The following CACNA1H variants were observed in gnomAD, a reference collection of about 807,000 sequenced individuals.
CACNA1H encodes the protein voltage-dependent T-type calcium channel subunit alpha-1H.
CACNA1H carries 149 observed loss-of-function variants against 192.5 expected under a neutral mutation model. The observed-to-expected ratio is 0.77, with a 90% CI of 0.68 to 0.89. The LOEUF is 0.89. Ranked by LOEUF, CACNA1H falls within the 40% of genes least tolerant of loss-of-function variation. The probability of loss-of-function intolerance (pLI) is 0.00; values close to 1 mark genes in which losing one functional copy is unlikely to be tolerated. For synonymous variants in CACNA1H, 2,202 were observed against 1,475.2 expected (o/e 1.49, Z -11.29); for missense variants, 4,257 against 3,423.5 (o/e 1.24, Z -6.08).
At chr16:1,171,222 T>C (rs1964337097) in intron 2 of CACNA1H, among the ~76,000 whole-genome samples, 1 of 151,984 alleles carries the variant, frequency 6.6e-6, no homozygotes, top group Non-Finnish European at 1.5e-5. Context: ...CCGCCCAGGA[T>C]CACCTCCTCG....
chr16:1,193,289 G>A (rs781327759), intron 2 of CACNA1H, among the ~76,000 whole-genome samples: 9 of 152,240 alleles, frequency 5.9e-5, no homozygotes, highest in Non-Finnish European at 1.0e-4. Context: ...AAAGGTGCCC[G>A]AGGCTGGGGG....
chr16:1,211,030 T>C, intron 21 of CACNA1H, 59 bp downstream of exon 21: 1 of 1,557,698 alleles, frequency 6.4e-7, no homozygotes, highest in East Asian at 2.3e-5. Flanking sequence ...CTGACGCCAC[T>C]GCCCATTACT....
chr16:1,197,132 G>A (rs1029266056), intron 5 of CACNA1H, among the ~76,000 whole-genome samples: 4 of 152,242 alleles, frequency 2.6e-5, no homozygotes, highest in African/African-American at 4.8e-5. Flanking sequence ...CCCTGAGCCT[G>A]CCTTCCACCT....
chr16:1,206,439 G>A (rs932909664), intron 12 of CACNA1H, 150 bp downstream of exon 12: 10 of 694,538 alleles, frequency 1.4e-5, no homozygotes, highest in African/African-American at 1.1e-4. Flanking sequence ...GCCTTCATTT[G>A]AGAAGCACTG....
Position 1,216,098 on chromosome 16 carries a change from G to A in CACNA1H, c.5244+505G>A, listed in dbSNP as rs183145019. On this transcript the variant is annotated intron_variant, in intron 30 of 34. Coordinates refer to ENST00000348261, the MANE Select transcript of CACNA1H (RefSeq NM_021098.3). Reference sequence around the variant, plus strand: ...CCTCTAGTCCACCTATCCAACCCCCGTGTGTCCGTCCATCCACCAGCCCAG... The same window carrying A: ...CCTCTAGTCCACCTATCCAACCCCCATGTGTCCGTCCATCCACCAGCCCAG... 5.3e-5 allele frequency among the ~76,000 whole-genome samples: 8 copies of A among 152,130 alleles called. No homozygotes were observed. The South Asian group carries it at 6.2e-4, about 12-fold the overall frequency.
At chr16:1,188,715 C>T (rs1214953007) in intron 2 of CACNA1H, among the ~76,000 whole-genome samples, 1 of 152,216 alleles carries the variant, frequency 6.6e-6, no homozygotes, top group Non-Finnish European at 1.5e-5. Context: ...CGACTACCCC[C>T]AGATGAGAAA....
intron 18 of CACNA1H, 22 bp from the exon 19 acceptor site, chr16:1,210,348 T>TCCCCCC: frequency 1.4e-5 from 4 of 277,474 alleles, no homozygotes; most frequent in South Asian, 3.1e-5. Flanking sequence ...GCCCCACCTC[T>TCCCCCC]CACCCGCCCC....
At chr16:1,163,642 C>T (rs1351449949) in intron 2 of CACNA1H, among the ~76,000 whole-genome samples, 3 of 152,258 alleles carry the variant, frequency 2.0e-5, no homozygotes, top group Admixed American at 6.5e-5. Context: ...CCTGCATTAG[C>T]GCCTCATTGA....
At chr16:1,176,792 C>T (rs997666594) in intron 2 of CACNA1H, among the ~76,000 whole-genome samples, 5 of 152,148 alleles carry the variant, frequency 3.3e-5, no homozygotes, top group African/African-American at 9.7e-5. Context: ...GCCGCCCCGC[C>T]GGGGAGCTGC....
intron 2 of CACNA1H, among the ~76,000 whole-genome samples, chr16:1,174,038 T>C (rs955113134): frequency 1.3e-5 from 2 of 152,226 alleles, no homozygotes; most frequent in African/African-American, 4.8e-5. Flanking sequence ...CCTGTGGAAG[T>C]TGACCTGTGC....
At chr16:1,214,507 A>G (rs1969835191) in intron 27 of CACNA1H, among the ~76,000 whole-genome samples, 1 of 152,148 alleles carries the variant, frequency 6.6e-6, no homozygotes, top group Non-Finnish European at 1.5e-5. Flanking sequence ...AGGGGCTCCC[A>G]GGTCCATCTG....
intron 22 of CACNA1H, 21 bp downstream of exon 22, chr16:1,211,315 CG>C: frequency 6.2e-7 from 1 of 1,612,534 alleles, no homozygotes; most frequent in East Asian, 2.2e-5. Flanking sequence ...CCCACGTGCC[CG>C]GGGGTCTGCC....
intron 2 of CACNA1H, among the ~76,000 whole-genome samples, chr16:1,178,872 C>T (rs929571836): frequency 2.1e-4 from 32 of 152,214 alleles, no homozygotes; most frequent in African/African-American, 7.5e-4. Flanking sequence ...AAGGACCGAA[C>T]GGTGGCATCT....
intron 11 of CACNA1H, 112 bp downstream of exon 11, chr16:1,205,377 C>T (rs760012795): frequency 1.2e-4 from 148 of 1,186,120 alleles, no homozygotes; most frequent in Non-Finnish European, 1.5e-4. Context: ...GACGATAGCT[C>T]TTTATGACAG....
chr16:1,195,199 G>T (rs1966860995), intron 3 of CACNA1H, 116 bp downstream of exon 3: 2 of 915,844 alleles, frequency 2.2e-6, no homozygotes, highest in Non-Finnish European at 3.3e-6. Context: ...AGTGGGTCAG[G>T]GTCGGGGATC....
chr16:1,193,169 C>T (rs977598916), intron 2 of CACNA1H, among the ~76,000 whole-genome samples: 8 of 152,200 alleles, frequency 5.3e-5, no homozygotes, highest in East Asian at 3.9e-4. Context: ...CAGCCTGTTC[C>T]GTTTACCCAA....
At position 1,207,853 on chromosome 16, in the gene CACNA1H, G is replaced by T; in HGVS notation, c.3147G>T (p.Gln1049His). The T allele has an allele frequency of 6.3e-7, 1 of 1,592,374 alleles. No individual in the cohort carries two copies. The highest frequency in any genetic ancestry group is 1.1e-5 in the South Asian group (1 of 87,610). The change falls in exon 15 of 35, where the codon CAG (glutamine) becomes CAT (histidine). Residue 1049 changes from glutamine to histidine, a missense_variant. Coordinates refer to ENST00000348261, the MANE Select transcript of CACNA1H (RefSeq NM_021098.3). ...ACTTCCACAAGCTCAGAGAACTCCAGACCACAGGTGCGTGTGGTCGGTGGG... is the reference window on the plus strand; with the variant it reads ...ACTTCCACAAGCTCAGAGAACTCCATACCACAGGTGCGTGTGGTCGGTGGG... The part of the protein sequence containing the change: ...EEDFHKLREL[Q>H]TTELKMCSLA...
intron 2 of CACNA1H, among the ~76,000 whole-genome samples, chr16:1,179,016 C>T (rs2151746772): frequency 6.6e-6 from 1 of 152,336 alleles, no homozygotes. Flanking sequence ...TGACCTCTGT[C>T]AGGTCACAGA....
intron 2 of CACNA1H, among the ~76,000 whole-genome samples, chr16:1,155,690 C>T (rs1436315965): frequency 1.3e-5 from 2 of 152,222 alleles, no homozygotes; most frequent in South Asian, 2.1e-4. Flanking sequence ...CCTGGCTGTC[C>T]TGTCCCCTCT....
Sources: allele counts gnomAD v4.1 joint callset (sites outside exome capture counted in the v4.1 genomes callset), GRCh38; gene constraint gnomAD v4.1.1; transcripts MANE v1.5; gene names NCBI Gene and HGNC (gene_info 2026-07-23, HGNC 2026-07-21).